Variants in SMYD3 observed in about 807,000 individuals in gnomAD.
SMYD3 encodes histone-lysine N-methyltransferase SMYD3.
Under a neutral mutation model 57.7 loss-of-function variants are expected in SMYD3, and 36 were observed. That is an observed-to-expected ratio of 0.62 (90% CI 0.48 to 0.82). The LOEUF is 0.82. Ranked by LOEUF, SMYD3 falls within the 40% of genes least tolerant of loss-of-function variation. The pLI is 0.00. For missense variants in SMYD3, 515 were observed against 538.8 expected (o/e 0.96, Z 0.44); for synonymous variants, 211 against 195.0 (o/e 1.08, Z -0.68).
At chr1:245,925,099 C>T (rs1336066185) in intron 7 of SMYD3, among the ~76,000 whole-genome samples, 1 of 152,116 alleles carries the variant, frequency 6.6e-6, no homozygotes, top group Non-Finnish European at 1.5e-5. Flanking sequence ...TCCCAAATAG[C>T]TCATATTAAA....
intron 10 of SMYD3, among the ~76,000 whole-genome samples, chr1:245,797,905 AG>A (rs2047619724): frequency 6.7e-6 from 1 of 148,634 alleles, no homozygotes; most frequent in Non-Finnish European, 1.5e-5. Flanking sequence ...TATGTGTTCT[AG>A]GGAATTTTAT....
intron 5 of SMYD3, among the ~76,000 whole-genome samples, chr1:246,289,327 C>T (rs1350381749): frequency 1.3e-5 from 2 of 152,238 alleles, no homozygotes; most frequent in East Asian, 1.9e-4. Flanking sequence ...GAAACTACAA[C>T]GTTAGCTTAT....
intron 10 of SMYD3, among the ~76,000 whole-genome samples, chr1:245,766,024 T>C (rs1258561877): frequency 2.0e-5 from 3 of 152,182 alleles, no homozygotes; most frequent in Non-Finnish European, 4.4e-5. Flanking sequence ...AACACTTTTT[T>C]TTTCATTCAT....
At chr1:246,194,999 C>A (rs1031413331) in intron 5 of SMYD3, among the ~76,000 whole-genome samples, 1 of 152,208 alleles carries the variant, frequency 6.6e-6, no homozygotes, top group Non-Finnish European at 1.5e-5. Context: ...AGTTTCTACG[C>A]TATACTTGGC....
In SMYD3 at chr1:245,749,584, G is replaced by A. The variant is rs745392112; in HGVS notation, c.1266C>T (p.Asp422=). 54 of 1,613,576 alleles carry A rather than the reference G, an allele frequency of 3.3e-5. No homozygotes were observed. The South Asian group carries it at 4.3e-4, about 13-fold the overall frequency. ...TCCCTTAGGATGCTCTGATGTTGGC[G>A]TCGCATTCTTCTAAAAGTAGAATCA... ...EDLILLLEEC[D]ANIRAS The change falls in exon 12 of 12, where the codon GAC becomes GAT. Residue 422 remains aspartate (D), a synonymous_variant. Transcript: ENST00000490107.
At chr1:246,132,746 T>A (rs915419584) in intron 5 of SMYD3, among the ~76,000 whole-genome samples, 1 of 152,086 alleles carries the variant, frequency 6.6e-6, no homozygotes. Context: ...GGTCAGGGTA[T>A]AATATCCAGA....
intron 3 of SMYD3, among the ~76,000 whole-genome samples, chr1:246,335,076 AG>A (rs1179493632): frequency 6.6e-6 from 1 of 152,232 alleles, no homozygotes; most frequent in Non-Finnish European, 1.5e-5. Context: ...GATGCACTGA[AG>A]GGTCTAATGA....
chr1:245,897,316 G>A lies in SMYD3; in HGVS notation c.813+18214C>T, dbSNP rs142008663. On this transcript the variant is annotated intron_variant, in intron 8 of 11. Coordinates refer to ENST00000490107, the MANE Select transcript of SMYD3 (RefSeq NM_001167740.2). ...ATGGGTTCTCTCTGAGGAGTAGGTC[G>A]TGGGCAGGAGCAAGAGAGGAAAGGG... Among the ~76,000 whole-genome samples, 728 of 152,296 alleles carry A rather than the reference G, an allele frequency of 4.8e-3. 4 individuals carry two copies. The highest frequency in any genetic ancestry group is 0.016 in the African/African-American group (644 of 41,546).
chr1:246,453,318 T>G (rs559007467), intron 1 of SMYD3, among the ~76,000 whole-genome samples: 78 of 152,308 alleles, frequency 5.1e-4, no homozygotes, highest in African/African-American at 1.1e-3. Flanking sequence ...TATCCATATA[T>G]GCAGATGATA....
intron 1 of SMYD3, among the ~76,000 whole-genome samples, chr1:246,502,065 C>G (rs997034561): frequency 2.0e-5 from 3 of 152,046 alleles, no homozygotes; most frequent in African/African-American, 7.2e-5. Flanking sequence ...ATCATCTCAC[C>G]AAACACAGTG....
chr1:245,850,510 T>C (rs1416875010), intron 10 of SMYD3, among the ~76,000 whole-genome samples: 1 of 151,976 alleles, frequency 6.6e-6, no homozygotes, highest in South Asian at 2.1e-4. Context: ...TGGGCAACAT[T>C]ACAAGACCCT....
intron 1 of SMYD3, among the ~76,000 whole-genome samples, chr1:246,426,621 T>A (rs1371791890): frequency 2.0e-5 from 3 of 152,218 alleles, no homozygotes; most frequent in Non-Finnish European, 4.4e-5. Context: ...AAATGTCATA[T>A]GAGCTGCAGA....
chr1:246,485,895 T>C (rs949607649), intron 1 of SMYD3, among the ~76,000 whole-genome samples: 5 of 152,216 alleles, frequency 3.3e-5, no homozygotes, highest in African/African-American at 1.2e-4. Context: ...ACTTTTCTTA[T>C]CTGTAAAACA....
chr1:245,839,523 G>C (rs1272629988), intron 10 of SMYD3, among the ~76,000 whole-genome samples: 1 of 152,106 alleles, frequency 6.6e-6, no homozygotes, highest in Non-Finnish European at 1.5e-5. Context: ...CGGTTTCCTG[G>C]GGAGGCGGGG....
intron 10 of SMYD3, among the ~76,000 whole-genome samples, chr1:245,824,936 CA>C (rs1248410524): frequency 6.6e-6 from 1 of 151,340 alleles, no homozygotes; most frequent in Non-Finnish European, 1.5e-5. Flanking sequence ...GAGGCTGAAG[CA>C]GGAAAATTGC....
At chr1:246,451,678 C>T (rs1028407487) in intron 1 of SMYD3, among the ~76,000 whole-genome samples, 8 of 152,230 alleles carry the variant, frequency 5.3e-5, no homozygotes, top group African/African-American at 1.7e-4. Flanking sequence ...TTGCAACAAA[C>T]GTGCCATTCT....
At chr1:246,330,451 T>G (rs765630903) in intron 4 of SMYD3, 29 bp downstream of exon 4, 11 of 1,523,366 alleles carry the variant, frequency 7.2e-6, no homozygotes, top group African/African-American at 1.4e-5. Context: ...ATAGAAACTT[T>G]TTTAAGATGC....
At chr1:245,945,183 A>T (rs970133061) in intron 5 of SMYD3, among the ~76,000 whole-genome samples, 1 of 152,176 alleles carries the variant, frequency 6.6e-6, no homozygotes, top group Non-Finnish European at 1.5e-5. Flanking sequence ...AACTGTCATC[A>T]GAGCAAACAG....
At chr1:246,507,000 CCCA>C in intron 1 of SMYD3, 51 bp downstream of exon 1, 3 of 1,139,166 alleles carry the variant, frequency 2.6e-6, no homozygotes, top group Non-Finnish European at 3.5e-6. Flanking sequence ...CCCCCCCCTC[CCCA>C]GCACCCCACA....
Sources: gnomAD v4.1 joint callset for allele counts (sites outside exome capture counted in the v4.1 genomes callset) on GRCh38, gnomAD v4.1.1 for gene constraint, MANE v1.5 for transcripts, NCBI Gene and HGNC (gene_info 2026-07-23, HGNC 2026-07-21) for gene names.